DPP6: variants seen among roughly 807,000 people sequenced by gnomAD.
DPP6 encodes the protein dipeptidyl peptidase like 6.
In DPP6, 69 loss-of-function variants were observed where a neutral mutation model predicts 122.6. That is an observed-to-expected ratio of 0.56 (90% CI 0.46 to 0.69). The LOEUF is 0.69. Ranked by LOEUF, DPP6 falls within the 30% of genes least tolerant of loss-of-function variation. DPP6 has a pLI of 0.00. For missense variants in DPP6, 928 were observed against 1,116.9 expected, an observed-to-expected ratio of 0.83 and a Z score of 2.41; for synonymous variants, 418 against 433.1, an observed-to-expected ratio of 0.97 and a Z score of 0.43.
At chr7:153,864,947 T>G in the DPP6 span, among the ~76,000 whole-genome samples, 2 of 152,166 alleles carry the variant, frequency 1.3e-5, no homozygotes, top group African/African-American at 4.8e-5. Context: ...GAGATCTGTG[T>G]GTCCCCAGCC....
chr7:154,095,971 C>A (rs1233210504), intron 1 of DPP6: 3 of 131,330 alleles, frequency 2.3e-5, no homozygotes, highest in Admixed American at 8.0e-5. Flanking sequence ...AAGTTCCAGG[C>A]GAGACCAGGG....
chr7:154,587,475 G>A (rs1320591857), intron 5 of DPP6: 11 of 697,564 alleles, frequency 1.6e-5, no homozygotes, highest in Admixed American at 2.8e-5. Flanking sequence ...ATGGTTCTGA[G>A]CAAGACACAG....
intron 1 of DPP6, among the ~76,000 whole-genome samples, chr7:154,239,579 C>T (rs533604345): frequency 5.7e-4 from 87 of 152,254 alleles, no homozygotes; most frequent in African/African-American, 2.1e-3. Context: ...TCACAGTATA[C>T]ATACACAGAA....
intron 5 of DPP6, among the ~76,000 whole-genome samples, chr7:154,629,243 AC>A (rs1206485953): frequency 6.6e-6 from 1 of 152,148 alleles, no homozygotes; most frequent in East Asian, 1.9e-4. Flanking sequence ...AAGAAAATAA[AC>A]CCTTTGAGTA....
rs563277258 is a variant in DPP6, at chr7:154,702,712, G to A, written c.763-25055G>A. ...TTCATGAGGCTTAAGGAAAGAAGTC[G>A]TCTCCATAACATAAAAGTGCAAGGT... On this transcript the variant is annotated intron_variant, in intron 7 of 25. Transcript: ENST00000377770. 9.8e-5 allele frequency among the ~76,000 whole-genome samples: 15 copies of A among 152,322 alleles called. 1 individual carries two copies. The South Asian group carries it at 1.0e-3, about 11-fold the overall frequency.
Position 154,893,152 on chromosome 7 carries a change from G to T in DPP6, c.*672G>T. On this transcript the variant is annotated 3_prime_UTR_variant, in exon 26 of 26. Transcript: ENST00000377770. Reference sequence around the variant, plus strand: ...GGGGTTGTTTTGCTGTTTGGGGTTGGGCCTTGTTTCCCTTTCCTTTCTCCA... The same window carrying T: ...GGGGTTGTTTTGCTGTTTGGGGTTGTGCCTTGTTTCCCTTTCCTTTCTCCA... 1 of 342,332 alleles carries T rather than the reference G, an allele frequency of 2.9e-6. No homozygotes were observed. The highest frequency in any genetic ancestry group is 5.8e-6 in the Non-Finnish European group (1 of 173,800). 21.2% of individuals were successfully genotyped at this position (342,332 alleles called of 1,614,324 possible). A position where few individuals can be genotyped will look rare whatever the true frequency, so the allele number is the denominator to read the frequency against.
intron 1 of DPP6, among the ~76,000 whole-genome samples, chr7:153,964,517 C>G (rs1193168611): frequency 6.6e-6 from 1 of 152,128 alleles, no homozygotes; most frequent in African/African-American, 2.4e-5. Context: ...GTGTTTCCAC[C>G]CTGGGATCCA....
intron 21 of DPP6, 153 bp downstream of exon 21, chr7:154,881,095 A>G (rs1805354583): frequency 3.2e-6 from 4 of 1,259,654 alleles, no homozygotes; most frequent in Admixed American, 6.5e-5. Flanking sequence ...TAGTGATTCC[A>G]GCCGTGGGAG....
Position 154,121,343 on chromosome 7 carries a change from C to T in DPP6, c.243+68280C>T, listed in dbSNP as rs535392642. Reference sequence around the variant, plus strand: ...TAGCTTGCTCTTCTTTTGCTAGTTTCGTAAGGCAGAGTGTAGGTTGTGGAT... The same window carrying T: ...TAGCTTGCTCTTCTTTTGCTAGTTTTGTAAGGCAGAGTGTAGGTTGTGGAT... On this transcript the variant is annotated intron_variant, in intron 1 of 25. Transcript: ENST00000377770. 1.8e-4 allele frequency among the ~76,000 whole-genome samples: 27 copies of T among 152,278 alleles called. No individual in the cohort carries two copies. In the East Asian group the frequency reaches 3.3e-3, roughly 18 times the overall value.
intron 1 of DPP6, among the ~76,000 whole-genome samples, chr7:153,929,605 TGTCA>T (rs745826432): frequency 6.6e-6 from 1 of 151,992 alleles, no homozygotes; most frequent in Non-Finnish European, 1.5e-5. Context: ...AGTACAGACT[TGTCA>T]AGCTATTGAT....
the DPP6 span, among the ~76,000 whole-genome samples, chr7:153,866,342 G>A: frequency 3.0e-3 from 454 of 152,148 alleles, 5 homozygotes; most frequent in African/African-American, 9.9e-3. Context: ...AATGATCGCC[G>A]TTCTACCTAG....
chr7:154,169,115 G>A (rs980811741), intron 1 of DPP6, among the ~76,000 whole-genome samples: 6 of 152,110 alleles, frequency 3.9e-5, no homozygotes, highest in Non-Finnish European at 7.3e-5. Flanking sequence ...TCCACTTAGG[G>A]AATGAGAGGA....
intron 12 of DPP6, 86 bp from the exon 13 acceptor site, chr7:154,801,269 A>G (rs1165772590): frequency 2.0e-6 from 3 of 1,516,462 alleles, no homozygotes; most frequent in East Asian, 5.0e-5. Context: ...TAGAAAATGT[A>G]TCTCGGGGTG....
chr7:154,175,564 A>G (rs1021110704), intron 1 of DPP6, among the ~76,000 whole-genome samples: 4 of 152,196 alleles, frequency 2.6e-5, no homozygotes, highest in Admixed American at 6.5e-5. Context: ...CAGCCACTCT[A>G]TGCTGGACCT....
chr7:154,475,457 C>A lies in DPP6; in HGVS notation c.457+420C>A, dbSNP rs763439530. 1.8e-4 allele frequency: 42 copies of A among 237,132 alleles called. 1 individual carries two copies. Among genetic ancestry groups the A allele is most frequent in the Non-Finnish European group, 2.9e-4 (35 of 119,546 alleles). The allele number at this position is 237,132 out of a possible 1,614,324, so 14.7% of individuals were successfully genotyped here. ...CTCTCTTTCCGTTAGGCAGAAGGAC[C>A]AAAAGCAACTCATGGAGTTCTTGTA... is the stretch of plus-strand genomic sequence containing the variant. On this transcript the variant is annotated intron_variant, in intron 3 of 25. Transcript: ENST00000377770.
At chr7:153,937,437 CTTTTTTTTTTTTTTTTTT>C (rs201001951) in intron 1 of DPP6, among the ~76,000 whole-genome samples, 6 of 115,498 alleles carry the variant, frequency 5.2e-5, no homozygotes, top group Admixed American at 1.7e-4. Context: ...TCAGAGCTAA[CTTTTTTTTTTTTTTTTTT>C]TTTTTTTTTT....
intron 6 of DPP6, among the ~76,000 whole-genome samples, chr7:154,658,799 A>T (rs931933062): frequency 6.6e-6 from 1 of 151,892 alleles, no homozygotes; most frequent in Non-Finnish European, 1.5e-5. Flanking sequence ...CGTGTCTCAC[A>T]CTCTGGGTGG....
chr7:153,873,003 T>C, the DPP6 span, among the ~76,000 whole-genome samples: 4 of 152,222 alleles, frequency 2.6e-5, no homozygotes, highest in Non-Finnish European at 4.4e-5. Context: ...AAAAGAGTTT[T>C]ATTGGGCTCA....
intron 1 of DPP6, among the ~76,000 whole-genome samples, chr7:153,953,970 G>C (rs1802339406): frequency 6.6e-6 from 1 of 152,184 alleles, no homozygotes; most frequent in South Asian, 2.1e-4. Context: ...TTCCTTCCCA[G>C]AAGTCCTCAG....
Sources: allele counts gnomAD v4.1 joint callset (sites outside exome capture counted in the v4.1 genomes callset), GRCh38; gene constraint gnomAD v4.1.1; transcripts MANE v1.5; gene names NCBI Gene and HGNC (gene_info 2026-07-23, HGNC 2026-07-21).